Variants in GLI2 observed in about 807,000 individuals in gnomAD.
The protein encoded by GLI2 is transcription activator GLI2.
In GLI2, 22 loss-of-function variants were observed where a neutral mutation model predicts 78.9. That is an observed-to-expected ratio of 0.28 (90% CI 0.20 to 0.40). The LOEUF is 0.40. GLI2 is among the 10% of genes least tolerant of loss of function. The pLI, the probability that GLI2 is intolerant of heterozygous loss-of-function variation, is 1.00. For missense variants in GLI2, 2,097 were observed against 2,213.2 expected, an observed-to-expected ratio of 0.95 and a Z score of 1.05; for synonymous variants, 974 against 963.7, an observed-to-expected ratio of 1.01 and a Z score of -0.20.
intron 3 of GLI2, among the ~76,000 whole-genome samples, chr2:120,942,962 G>C (rs144392574): frequency 0.014 from 2,016 of 148,652 alleles, 56 homozygotes; most frequent in African/African-American, 0.05. Context: ...TCATTCATTC[G>C]TTCACGCCCT....
In GLI2 at chr2:120,991,244, T is replaced by A. The variant is rs75544832; in HGVS notation, c.*569T>A. 4,147 of 153,158 alleles carry A rather than the reference T, an allele frequency of 0.027. 114 individuals carry two copies. The highest frequency in any genetic ancestry group is 0.064 in the African/African-American group (2,656 of 41,562). 9.5% of individuals were successfully genotyped at this position (153,158 alleles called of 1,614,324 possible). A position where few individuals can be genotyped will look rare whatever the true frequency, so the allele number is the denominator to read the frequency against. On this transcript the variant is annotated 3_prime_UTR_variant, in exon 14 of 14. Coordinates refer to ENST00000361492, the MANE Select transcript of GLI2 (RefSeq NM_001374353.1). The stretch of plus-strand genomic sequence containing the variant: ...TATACCTGGATGATTCAGGAGCACA[T>A]TCTGATTCCAGGTTTGGTAGAGCTG...
intron 1 of GLI2, among the ~76,000 whole-genome samples, chr2:120,791,028 G>C (rs1684139148): frequency 1.3e-5 from 2 of 152,130 alleles, no homozygotes; most frequent in Non-Finnish European, 2.9e-5. Flanking sequence ...TGCATCACTG[G>C]GGAGCAAACT....
chr2:120,951,408 C>T lies in GLI2; in HGVS notation c.420C>T (p.Ser140=). 6.2e-7 allele frequency: 1 copy of T among 1,613,534 alleles called. No homozygotes were observed. Among genetic ancestry groups the T allele is most frequent in the South Asian group, 1.1e-5 (1 of 91,066 alleles). ...CTGTGCACAGCAGCCCCACGCTCTC[C>T]ATGATCTCTGCAGCCAGGGGCCTCA... is the stretch of plus-strand genomic sequence containing the variant. The part of the protein sequence containing the change: ...LRSVHSSPTL[S]MISAARGLSP... Residue 140 remains serine, a synonymous_variant, in exon 4 of 14, where the codon TCC becomes TCT. Coordinates refer to ENST00000361492, the MANE Select transcript of GLI2 (RefSeq NM_001374353.1).
chr2:120,966,103 CAA>C lies in GLI2; in HGVS notation c.644-2610_644-2609del, dbSNP rs942321434. On this transcript the variant is annotated intron_variant, in intron 5 of 13. Transcript: ENST00000361492. ...TTCTGATTAACTCCACTTTTTTTTT[CAA>C]CTGGGAGCTTTCCTAACATCACTTA... Among the ~76,000 whole-genome samples the C allele has an allele frequency of 6.0e-3, 903 of 151,578 alleles. 7 individuals carry two copies. Among genetic ancestry groups the C allele is most frequent in the African/African-American group, 0.021 (877 of 41,414 alleles).
chr2:120,785,046 C>T (rs541614053), intron 1 of GLI2, among the ~76,000 whole-genome samples: 3 of 152,324 alleles, frequency 2.0e-5, no homozygotes, highest in Admixed American at 6.5e-5. Flanking sequence ...TCTCAAGTCA[C>T]GGAGCTGGTC....
intron 2 of GLI2, among the ~76,000 whole-genome samples, chr2:120,869,872 G>A (rs1351428343): frequency 6.6e-6 from 1 of 152,072 alleles, no homozygotes; most frequent in Admixed American, 6.5e-5. Context: ...GCCCTGCAGG[G>A]GGACCTTCAG....
At chr2:120,762,250 G>T (rs1683237410) in intron 1 of GLI2, among the ~76,000 whole-genome samples, 1 of 152,226 alleles carries the variant, frequency 6.6e-6, no homozygotes, top group African/African-American at 2.4e-5. Flanking sequence ...GCCTTTGCAA[G>T]GGGTCAGAGC....
chr2:120,850,904 G>T (rs1052438842), intron 2 of GLI2, among the ~76,000 whole-genome samples: 1 of 152,170 alleles, frequency 6.6e-6, no homozygotes, highest in African/African-American at 2.4e-5. Context: ...TCAAAACGTG[G>T]TATTTTAATA....
At position 120,918,438 on chromosome 2, in the gene GLI2, CTTTT is replaced by C. The variant is rs563960856; in HGVS notation, c.149-8907_149-8904del. On this transcript the variant is annotated intron_variant, in intron 2 of 13. Transcript: ENST00000361492. ...CTACTCTATGGACACCATAAATATT[CTTTT>C]TTTTTTTTTTTTTTTGGATATGGAG... Among the ~76,000 whole-genome samples, 84 of 127,030 alleles carry C rather than the reference CTTTT, an allele frequency of 6.6e-4. 1 individual carries two copies. Among genetic ancestry groups the C allele is most frequent in the African/African-American group, 1.7e-3 (58 of 34,918 alleles). The allele number at this position is 127,030 out of a possible 152,430, so 83.3% of individuals were successfully genotyped here. A position where few individuals can be genotyped will look rare whatever the true frequency, so the allele number is the denominator to read the frequency against.
intron 1 of GLI2, among the ~76,000 whole-genome samples, chr2:120,784,113 G>T (rs1300584025): frequency 6.6e-6 from 1 of 152,198 alleles, no homozygotes; most frequent in African/African-American, 2.4e-5. Flanking sequence ...TAGAACACTG[G>T]GTTCACTCTG....
chr2:120,758,533 G>A (rs11122813), intron 1 of GLI2, among the ~76,000 whole-genome samples: 33,666 of 152,200 alleles, frequency 0.22, 4,105 homozygotes, highest in Non-Finnish European at 0.27. Flanking sequence ...TTCAGCCTGC[G>A]CCCCTGGCCT....
chr2:120,897,192 C>T (rs1165479219), intron 2 of GLI2, among the ~76,000 whole-genome samples: 2 of 152,236 alleles, frequency 1.3e-5, no homozygotes, highest in African/African-American at 4.8e-5. Context: ...TTGTCCGGGT[C>T]AGCCTCAGAA....
At chr2:120,781,417 G>C (rs1192553699) in intron 1 of GLI2, among the ~76,000 whole-genome samples, 1 of 152,190 alleles carries the variant, frequency 6.6e-6, no homozygotes, top group Non-Finnish European at 1.5e-5. Context: ...TCTGAGGCCC[G>C]GGATGCTCCC....
At chr2:120,860,302 C>A (rs943761100) in intron 2 of GLI2, among the ~76,000 whole-genome samples, 3 of 152,154 alleles carry the variant, frequency 2.0e-5, no homozygotes, top group Non-Finnish European at 4.4e-5. Context: ...TCCAGTACCC[C>A]CAAGGAGCTG....
At chr2:120,980,610 T>C (rs1682674770) in intron 10 of GLI2, among the ~76,000 whole-genome samples, 1 of 152,242 alleles carries the variant, frequency 6.6e-6, no homozygotes, top group Non-Finnish European at 1.5e-5. Flanking sequence ...TACTTTCTTT[T>C]AGAGCACAAA....
At chr2:120,923,298 GCAATGCATATGTACACATA>G (rs1215362898) in intron 2 of GLI2, among the ~76,000 whole-genome samples, 4 of 9,462 alleles carry the variant, frequency 4.2e-4, no homozygotes, top group Non-Finnish European at 1.2e-3. Context: ...CACATACACA[GCAATGCATATGTACACATA>G]CAACACACAC....
In GLI2 at chr2:120,986,352, T is replaced by C; in HGVS notation, c.1980T>C (p.Asn660=). ...CTCCTCTGGGCAGTGCCCCCAACAATGACAGTGGCGTGGAGATGCCGGGGA... is the reference window on the plus strand; with the variant it reads ...CTCCTCTGGGCAGTGCCCCCAACAACGACAGTGGCGTGGAGATGCCGGGGA... ...EPSPLGSAPN[N]DSGVEMPGTG... The change falls in exon 13 of 14, where the codon AAT becomes AAC. Residue 660 remains asparagine (N), a synonymous_variant. Transcript: ENST00000361492. The C allele has an allele frequency of 1.2e-6, 2 of 1,613,598 alleles. No individual in the cohort carries two copies. Among genetic ancestry groups the C allele is most frequent in the South Asian group, 1.1e-5 (1 of 91,078 alleles).
chr2:120,982,637 G>A lies in GLI2; in HGVS notation c.1468-79G>A, dbSNP rs13402788. 1.2e-3 allele frequency: 1,434 copies of A among 1,225,088 alleles called. 10 individuals are homozygous for A. The highest frequency in any genetic ancestry group is 4.9e-3 in the Middle Eastern group (25 of 5,056). The allele number at this position is 1,225,088 out of a possible 1,614,324, so 75.9% of individuals were successfully genotyped here. On this transcript the variant is annotated intron_variant, in intron 10 of 13. Coordinates refer to ENST00000361492, the MANE Select transcript of GLI2 (RefSeq NM_001374353.1). ...GACGGGTTGGAGCAGAGCAGAGAAGGGGGTGGGGAGGAAGCAGCAGCCGGC... is the reference window on the plus strand; with the variant it reads ...GACGGGTTGGAGCAGAGCAGAGAAGAGGGTGGGGAGGAAGCAGCAGCCGGC...
intron 2 of GLI2, among the ~76,000 whole-genome samples, chr2:120,851,208 A>C (rs978589767): frequency 5.9e-5 from 9 of 152,196 alleles, no homozygotes; most frequent in African/African-American, 2.2e-4. Context: ...ACAAGAACTC[A>C]TTGGGGGTGG....
Sources: allele counts gnomAD v4.1 joint callset (sites outside exome capture counted in the v4.1 genomes callset), GRCh38; gene constraint gnomAD v4.1.1; transcripts MANE v1.5; gene names NCBI Gene and HGNC (gene_info 2026-07-23, HGNC 2026-07-21).